Variants in ST6GALNAC3 observed in about 807,000 individuals in gnomAD.
ST6GALNAC3 encodes alpha-N-acetylgalactosaminide alpha-2,6-sialyltransferase 3.
ST6GALNAC3 carries 25 observed loss-of-function variants against 32.7 expected under a neutral mutation model. The observed-to-expected ratio is 0.76, with a 90% CI of 0.56 to 1.07. ST6GALNAC3 has a LOEUF of 1.07. Among genes scored for constraint, ST6GALNAC3 ranks in the 50% least tolerant of loss-of-function variants. ST6GALNAC3 has a pLI of 0.00. For missense variants in ST6GALNAC3, 355 were observed against 382.4 expected, an observed-to-expected ratio of 0.93 and a Z score of 0.60; for synonymous variants, 129 against 133.1, an observed-to-expected ratio of 0.97 and a Z score of 0.21.
At chr1:76,301,837 G>GTT (rs554563584) in intron 1 of ST6GALNAC3, among the ~76,000 whole-genome samples, 4 of 147,442 alleles carry the variant, frequency 2.7e-5, no homozygotes, top group African/African-American at 9.9e-5. Flanking sequence ...AAAAAAAGAA[G>GTT]TTTTTTTTTT....
Position 76,313,901 on chromosome 1 carries a change from T to A in ST6GALNAC3, c.115T>A (p.Cys39Ser). ...NEVNFPLLLN[C>S]FGQPGTKWIP... ...AGTGAATTTCCCATTGCTACTAAAC[T>A]GCTTTGGACAACCTGGTACAAAGTG... Residue 39 changes from cysteine (C) to serine (S), a missense_variant, in exon 2 of 5, where the codon TGC becomes AGC. Physicochemically the swap from Cys to Ser is moderately radical, Grantham distance 112 (BLOSUM62 -1). Coordinates refer to ENST00000328299, the MANE Select transcript of ST6GALNAC3 (RefSeq NM_152996.4). 1 of 1,613,706 alleles carries A rather than the reference T, an allele frequency of 6.2e-7. No individual in the cohort carries two copies. The highest frequency in any genetic ancestry group is 8.5e-7 in the Non-Finnish European group (1 of 1,179,746).
intron 3 of ST6GALNAC3, among the ~76,000 whole-genome samples, chr1:76,529,430 G>T (rs1334497761): frequency 6.6e-6 from 1 of 152,076 alleles, no homozygotes; most frequent in Non-Finnish European, 1.5e-5. Flanking sequence ...TAAGTGTCAA[G>T]CATGATTAAC....
Position 76,306,417 on chromosome 1 carries a change from A to G in ST6GALNAC3, c.19-7388A>G, listed in dbSNP as rs116001998. Among the ~76,000 whole-genome samples the G allele has an allele frequency of 1.6e-3, 246 of 152,228 alleles. 2 individuals carry two copies. Among genetic ancestry groups the G allele is most frequent in the Middle Eastern group, 6.8e-3 (2 of 294 alleles). The stretch of plus-strand genomic sequence containing the variant: ...CACAACTAAACAACAAAATGTTGGT[A>G]GTTAAAAAAAAGTTTAAAAGTAATA... On this transcript the variant is annotated intron_variant, in intron 1 of 4. Coordinates refer to ENST00000328299, the MANE Select transcript of ST6GALNAC3 (RefSeq NM_152996.4).
At chr1:76,153,327 G>A (rs1204805980) in intron 1 of ST6GALNAC3, among the ~76,000 whole-genome samples, 3 of 151,866 alleles carry the variant, frequency 2.0e-5, no homozygotes, top group African/African-American at 4.8e-5. Flanking sequence ...TTTCCTTTTT[G>A]TTGCCAGAAT....
intron 1 of ST6GALNAC3, among the ~76,000 whole-genome samples, chr1:76,240,573 A>G (rs986499120): frequency 6.6e-6 from 1 of 152,178 alleles, no homozygotes; most frequent in African/African-American, 2.4e-5. Flanking sequence ...AACTTCCTAC[A>G]AGCAATTCTC....
intron 1 of ST6GALNAC3, among the ~76,000 whole-genome samples, chr1:76,106,015 A>G (rs1320866368): frequency 6.6e-6 from 1 of 152,320 alleles, no homozygotes; most frequent in African/African-American, 2.4e-5. Flanking sequence ...TCTGCTATTT[A>G]TCATCACTGT....
At chr1:76,427,528 T>A (rs1344563072) in intron 3 of ST6GALNAC3, among the ~76,000 whole-genome samples, 2 of 152,048 alleles carry the variant, frequency 1.3e-5, no homozygotes, top group Non-Finnish European at 2.9e-5. Context: ...AATAAAAAAA[T>A]TAATCGTATC....
intron 2 of ST6GALNAC3, among the ~76,000 whole-genome samples, chr1:76,356,091 C>T (rs1037996316): frequency 6.6e-6 from 1 of 152,060 alleles, no homozygotes. Context: ...TATTCTGGTT[C>T]CGTTCTTGCC....
At chr1:76,168,060 T>C (rs917135927) in intron 1 of ST6GALNAC3, among the ~76,000 whole-genome samples, 1 of 152,124 alleles carries the variant, frequency 6.6e-6, no homozygotes, top group Admixed American at 6.6e-5. Context: ...ATTCTCTAGT[T>C]CTTTAGTTGT....
intron 1 of ST6GALNAC3, among the ~76,000 whole-genome samples, chr1:76,236,225 A>G (rs762304464): frequency 9.9e-5 from 15 of 152,226 alleles, no homozygotes; most frequent in Non-Finnish European, 1.8e-4. Flanking sequence ...TAGGATTACA[A>G]GCCTGAGCTA....
intron 1 of ST6GALNAC3, among the ~76,000 whole-genome samples, chr1:76,131,504 G>A (rs622212): frequency 0.053 from 8,108 of 152,206 alleles, 227 homozygotes; most frequent in South Asian, 0.078. Context: ...GGCCAAGTCC[G>A]TGACAGCATA....
chr1:76,419,016 C>T (rs1654844793), intron 3 of ST6GALNAC3, among the ~76,000 whole-genome samples: 1 of 151,536 alleles, frequency 6.6e-6, no homozygotes, highest in South Asian at 2.1e-4. Flanking sequence ...CAGTACAAAC[C>T]TTTCATGTGT....
intron 2 of ST6GALNAC3, among the ~76,000 whole-genome samples, chr1:76,361,834 C>T (rs984895380): frequency 3.3e-5 from 5 of 150,580 alleles, no homozygotes; most frequent in Admixed American, 1.3e-4. Context: ...CAAAAATTAG[C>T]CTGGCATGGG....
At chr1:76,249,038 A>C (rs1331613054) in intron 1 of ST6GALNAC3, among the ~76,000 whole-genome samples, 1 of 152,174 alleles carries the variant, frequency 6.6e-6, no homozygotes, top group African/African-American at 2.4e-5. Context: ...TCACTTGAGG[A>C]GGTGACCCTG....
At chr1:76,564,456 T>G (rs1034942281) in intron 3 of ST6GALNAC3, among the ~76,000 whole-genome samples, 15 of 152,174 alleles carry the variant, frequency 9.9e-5, no homozygotes, top group Admixed American at 9.2e-4. Flanking sequence ...GACTGCAACC[T>G]TCACAGCCAG....
rs544636968 is a variant in ST6GALNAC3, at chr1:76,387,852, C to A, written c.214-24156C>A. On this transcript the variant is annotated intron_variant, in intron 2 of 4. Transcript: ENST00000328299. ...TACTATTACTTGTATTTGATTTCCC[C>A]TGATAGGCTATTCAGCTAGGCCAGC... is the stretch of plus-strand genomic sequence containing the variant. 3.3e-5 allele frequency among the ~76,000 whole-genome samples: 5 copies of A among 152,086 alleles called. No homozygotes were observed. In the South Asian group the frequency reaches 1.0e-3, roughly 32 times the overall value.
intron 3 of ST6GALNAC3, among the ~76,000 whole-genome samples, chr1:76,589,918 G>T (rs1311883847): frequency 1.3e-5 from 2 of 150,344 alleles, no homozygotes; most frequent in East Asian, 2.0e-4. Flanking sequence ...CTCCCTGAGA[G>T]GTGGGAGGAG....
At chr1:76,534,372 T>G (rs1399851813) in intron 3 of ST6GALNAC3, among the ~76,000 whole-genome samples, 1 of 152,054 alleles carries the variant, frequency 6.6e-6, no homozygotes, top group Admixed American at 6.5e-5. Flanking sequence ...TCCATCCATG[T>G]CTCTAATACT....
At chr1:76,246,109 T>G (rs1657242671) in intron 1 of ST6GALNAC3, among the ~76,000 whole-genome samples, 1 of 152,226 alleles carries the variant, frequency 6.6e-6, no homozygotes, top group Admixed American at 6.5e-5. Flanking sequence ...GGTGCATGTA[T>G]ATTTAGGATA....
Sources: allele counts gnomAD v4.1 joint callset (sites outside exome capture counted in the v4.1 genomes callset), GRCh38; gene constraint gnomAD v4.1.1; transcripts MANE v1.5; gene names NCBI Gene and HGNC (gene_info 2026-07-23, HGNC 2026-07-21).